SH3BGRL: variants seen among roughly 807,000 people sequenced by gnomAD.
SH3BGRL encodes the protein adapter SH3BGRL.
A neutral mutation model predicts 9.8 loss-of-function variants in SH3BGRL; 7 were observed. The ratio of observed to expected loss-of-function variants is 0.72; its 90% CI spans 0.41 to 1.35. SH3BGRL has a LOEUF of 1.35. Among genes scored for constraint, SH3BGRL ranks in the 40% most tolerant of loss-of-function variants. The pLI is 0.01. For missense variants in SH3BGRL, 73 were observed against 84.4 expected (o/e 0.86, Z 0.53); for synonymous variants, 36 against 29.1 (o/e 1.24, Z -0.76).
chrX:81,293,715 T>C (rs2075865456), intron 3 of SH3BGRL, among the ~76,000 whole-genome samples: 1 of 111,683 alleles, frequency 9.0e-6, no homozygotes, highest in African/African-American at 3.3e-5. Flanking sequence ...TTTAACTGGG[T>C]AACAGGCAGA....
At chrX:81,207,005 C>A (rs979637048) in intron 1 of SH3BGRL, among the ~76,000 whole-genome samples, 1 of 111,949 alleles carries the variant, frequency 8.9e-6, no homozygotes, top group Non-Finnish European at 1.9e-5. Flanking sequence ...GATTGTAATG[C>A]CTTGTAAATT....
chrX:81,253,835 C>G (rs968559838), intron 1 of SH3BGRL, among the ~76,000 whole-genome samples: 4 of 111,789 alleles, frequency 3.6e-5, no homozygotes, highest in Admixed American at 1.9e-4. Flanking sequence ...ATGCAAATAT[C>G]CTTGAAAGAT....
chrX:81,267,338 T>C (rs2147704891), intron 1 of SH3BGRL, among the ~76,000 whole-genome samples: 1 of 111,931 alleles, frequency 8.9e-6, no homozygotes, highest in Non-Finnish European at 1.9e-5. Context: ...ACATCGGCTG[T>C]GGGTTTGTCC....
chrX:81,240,689 A>C (rs776046039), intron 1 of SH3BGRL, among the ~76,000 whole-genome samples: 50 of 112,853 alleles, frequency 4.4e-4, no homozygotes, highest in Non-Finnish European at 7.9e-4. Flanking sequence ...TAGAAACAAC[A>C]ATCTGTACAG....
chrX:81,239,318 T>C (rs1345218248), intron 1 of SH3BGRL, among the ~76,000 whole-genome samples: 4 of 111,970 alleles, frequency 3.6e-5, no homozygotes, highest in Admixed American at 9.4e-5. Context: ...CATATAAATT[T>C]AGGAAAGAGA....
intron 1 of SH3BGRL, among the ~76,000 whole-genome samples, chrX:81,264,178 A>G (rs768178845): frequency 1.3e-4 from 15 of 111,430 alleles, no homozygotes; most frequent in Admixed American, 1.1e-3. Context: ...TTAGTTACAT[A>G]GTTTAGAAGG....
intron 1 of SH3BGRL, among the ~76,000 whole-genome samples, chrX:81,274,008 T>A (rs746287801): frequency 1.8e-5 from 2 of 112,032 alleles, no homozygotes; most frequent in Non-Finnish European, 3.8e-5. Flanking sequence ...GGTTTACTGT[T>A]TGAAAAATAT....
At chrX:81,265,030 T>A (rs1195319852) in intron 1 of SH3BGRL, among the ~76,000 whole-genome samples, 3 of 107,278 alleles carry the variant, frequency 2.8e-5, no homozygotes, top group South Asian at 8.5e-4. Context: ...TTTTTTTTAC[T>A]GTTAACACCT....
chrX:81,284,085 C>A (rs1320256365), intron 3 of SH3BGRL, among the ~76,000 whole-genome samples: 6 of 106,619 alleles, frequency 5.6e-5, no homozygotes, highest in African/African-American at 1.0e-4. Context: ...AAAAAAAAAA[C>A]CCACTTAGGA....
chrX:81,252,728 T>C (rs2075714659), intron 1 of SH3BGRL, among the ~76,000 whole-genome samples: 1 of 112,516 alleles, frequency 8.9e-6, no homozygotes, highest in Non-Finnish European at 1.9e-5. Flanking sequence ...GGTCCCCGGT[T>C]GGACTAGCTT....
chrX:81,247,259 G>C (rs768471253), intron 1 of SH3BGRL, among the ~76,000 whole-genome samples: 16 of 111,696 alleles, frequency 1.4e-4, no homozygotes, highest in Non-Finnish European at 2.1e-4. Flanking sequence ...TCTGTGATGA[G>C]AGATAATTTG....
chrX:81,219,512 A>AT (rs2075593505), intron 1 of SH3BGRL, among the ~76,000 whole-genome samples: 2 of 111,153 alleles, frequency 1.8e-5, no homozygotes, highest in South Asian at 3.7e-4. Flanking sequence ...GTCTAATGGG[A>AT]TTTTTTGGTG....
intron 3 of SH3BGRL, among the ~76,000 whole-genome samples, chrX:81,280,721 G>T (rs984923855): frequency 6.3e-5 from 7 of 111,515 alleles, no homozygotes; most frequent in Admixed American, 5.7e-4. Context: ...AAGTGAGAAG[G>T]AACCAGAAAA....
rs2075845090 is a variant in SH3BGRL, at chrX:81,288,499, C to G, written c.313-8696C>G. Among the ~76,000 whole-genome samples the G allele has an allele frequency of 2.7e-5, 3 of 111,915 alleles. 1 individual carries two copies. In the South Asian group the frequency reaches 1.1e-3, roughly 41 times the overall value. On this transcript the variant is annotated intron_variant, in intron 3 of 3. Transcript: ENST00000373212. ...ACTCAAAATGAAGAAGTCAAATTAT[C>G]CCTGTTTGCAAATGATATAATGTTG...
rs929212811 is a variant in SH3BGRL at position 81,265,315 on chromosome X, C to T, written c.46-11669C>T. On this transcript the variant is annotated intron_variant, in intron 1 of 3. Coordinates refer to ENST00000373212, the MANE Select transcript of SH3BGRL (RefSeq NM_003022.3). ...CATGGTGATTTGCTGCACCCATCAACCGGTCACCTACATTAGGTATTTCTC... is the reference window on the plus strand; with the variant it reads ...CATGGTGATTTGCTGCACCCATCAATCGGTCACCTACATTAGGTATTTCTC... Among the ~76,000 whole-genome samples the T allele has an allele frequency of 3.7e-5, 4 of 107,521 alleles. No homozygotes were observed. The Admixed American group carries it at 4.0e-4, about 11-fold the overall frequency. 93.4% of individuals were successfully genotyped at this position (107,521 alleles called of 115,157 possible).
intron 1 of SH3BGRL, among the ~76,000 whole-genome samples, chrX:81,230,417 G>A (rs918279469): frequency 2.7e-5 from 3 of 112,129 alleles, no homozygotes; most frequent in Non-Finnish European, 3.8e-5. Context: ...TGTAACAGTA[G>A]ACTTACTTTA....
intron 1 of SH3BGRL, among the ~76,000 whole-genome samples, chrX:81,235,751 A>T (rs753653738): frequency 9.0e-6 from 1 of 111,211 alleles, no homozygotes; most frequent in Admixed American, 9.6e-5. Flanking sequence ...GTTCCACTCC[A>T]ACTCTGCTTT....
intron 1 of SH3BGRL, among the ~76,000 whole-genome samples, chrX:81,208,337 T>C (rs1165895564): frequency 1.8e-5 from 2 of 112,134 alleles, no homozygotes; most frequent in East Asian, 5.6e-4. Context: ...AGTTACTTTG[T>C]TGAGGAAGGG....
chrX:81,247,214 AG>A, intron 1 of SH3BGRL, among the ~76,000 whole-genome samples: 1 of 111,866 alleles, frequency 8.9e-6, no homozygotes, highest in South Asian at 3.7e-4. Context: ...CTTCTGGAAG[AG>A]TGTTTAGGGT....
Sources: allele counts gnomAD v4.1 joint callset (sites outside exome capture counted in the v4.1 genomes callset), GRCh38; gene constraint gnomAD v4.1.1; transcripts MANE v1.5; gene names NCBI Gene and HGNC (gene_info 2026-07-23, HGNC 2026-07-21).